The following AGL variants were observed in gnomAD, a reference collection of about 807,000 sequenced individuals.
AGL encodes glycogen debranching enzyme.
AGL carries 128 observed loss-of-function variants against 199.3 expected under a neutral mutation model. That is an observed-to-expected ratio of 0.64 (90% confidence interval 0.56 to 0.74). AGL has a LOEUF of 0.74. Ranked by LOEUF, AGL falls within the 30% of genes least tolerant of loss-of-function variation. The pLI is 0.00. For missense variants in AGL, 1,809 were observed against 1,820.8 expected (o/e 0.99, Z 0.12); for synonymous variants, 584 against 594.7 (o/e 0.98, Z 0.26).
intron 24 of AGL, 50 bp downstream of exon 24, chr1:99,892,657 G>A (rs372655553): frequency 4.2e-5 from 66 of 1,556,744 alleles, no homozygotes; most frequent in African/African-American, 5.4e-5. Context: ...AGTATTCGCG[G>A]AAGAAAAGTT....
intron 2 of AGL, chr1:99,861,233 A>G (rs1453609840): frequency 2.9e-5 from 38 of 1,305,132 alleles, no homozygotes; most frequent in Non-Finnish European, 3.6e-5. Flanking sequence ...GCACATCCCA[A>G]GTTGCTATGT....
rs1252251060 is a variant in AGL at position 99,881,398 on chromosome 1, G to A, written c.2108G>A (p.Cys703Tyr). The A allele has an allele frequency of 1.2e-6, 2 of 1,614,128 alleles. No homozygotes were observed. Among genetic ancestry groups the A allele is most frequent in the South Asian group, 2.2e-5 (2 of 91,092 alleles). Residue 703 changes from cysteine (C) to tyrosine (Y), a missense_variant, in exon 16 of 34, where the codon TGT (cysteine) becomes TAT (tyrosine). Coordinates refer to ENST00000361915, the MANE Select transcript of AGL (RefSeq NM_000642.3). The stretch of plus-strand genomic sequence containing the variant: ...CAAAGCGGCATTATTGCAGCCAGGT[G>A]TGCTATCAGTAAACTTCATCAGGAG... ...NFQSGIIAAR[C>Y]AISKLHQELG...
intron 8 of AGL, 127 bp from the exon 9 acceptor site, chr1:99,875,027 A>T: frequency 1.8e-5 from 19 of 1,041,246 alleles, no homozygotes; most frequent in Non-Finnish European, 2.6e-5. Context: ...ATTGGAAAAC[A>T]TCATCAGCCA....
At position 99,884,254 on chromosome 1, in the gene AGL, A is replaced by T; in HGVS notation, c.2433+10A>T. On this transcript the variant is annotated intron_variant, in intron 18 of 33. Coordinates refer to ENST00000361915, the MANE Select transcript of AGL (RefSeq NM_000642.3). The stretch of plus-strand genomic sequence containing the variant: ...TAGAGAACATATTCAGGTATTTGGG[A>T]CTCTCATCTTACTACTGTGTTTAGC... 1.9e-6 allele frequency: 3 copies of T among 1,613,112 alleles called. No homozygotes were observed. The highest frequency in any genetic ancestry group is 2.5e-6 in the Non-Finnish European group (3 of 1,179,360).
At chr1:99,912,647 T>G (rs1654832816) in intron 29 of AGL, 130 bp downstream of exon 29, 2 of 735,818 alleles carry the variant, frequency 2.7e-6, no homozygotes, top group East Asian at 5.4e-5. Context: ...GAAAATTCAT[T>G]AATTTACTAG....
At chr1:99,910,927 A>G (rs1654711414) in intron 28 of AGL, 80 bp downstream of exon 28, 1 of 1,445,330 alleles carries the variant, frequency 6.9e-7, no homozygotes, top group African/African-American at 1.4e-5. Context: ...TATTCTGTTA[A>G]CTATGAACTC....
chr1:99,859,718 G>A (rs978851526), intron 2 of AGL, among the ~76,000 whole-genome samples: 6 of 151,984 alleles, frequency 3.9e-5, no homozygotes, highest in Admixed American at 1.3e-4. Context: ...CTATTTTTGC[G>A]TTTAGTAGAG....
At chr1:99,896,442 C>A in intron 25 of AGL, 54 bp downstream of exon 25, 1 of 1,301,904 alleles carries the variant, frequency 7.7e-7, no homozygotes, top group Non-Finnish European at 1.1e-6. Flanking sequence ...ATGTCTTTTA[C>A]ATGCTCTTCA....
Position 99,877,698 on chromosome 1 carries a change from G to A in AGL, c.1481G>A (p.Arg494His), listed in dbSNP as rs141043166. The A allele has an allele frequency of 8.3e-3, 13,363 of 1,613,946 alleles. 95 individuals carry two copies. Among genetic ancestry groups the A allele is most frequent in the Non-Finnish European group, 8.9e-3 (10,533 of 1,179,930 alleles). The change falls in exon 12 of 34, where the codon CGC becomes CAC. Residue 494 changes from arginine to histidine, a missense_variant. Physicochemically the swap from Arg to His is conservative, Grantham distance 29. Transcript: ENST00000361915. The stretch of plus-strand genomic sequence containing the variant: ...TGCTGGGGAGACAGTGTTAAATTAC[G>A]CTATGGGAATAAACCAGAGGACTGT... Reference protein sequence around the residue: ...LICWGDSVKLRYGNKPEDCPY... With the variant: ...LICWGDSVKLHYGNKPEDCPY...
chr1:99,886,830 G>C (rs986793428), intron 20 of AGL, among the ~76,000 whole-genome samples: 1 of 152,138 alleles, frequency 6.6e-6, no homozygotes, highest in Non-Finnish European at 1.5e-5. Flanking sequence ...TAATAAAGTA[G>C]TTGCATTCTT....
Position 99,881,286 on chromosome 1 carries a change from G to T in AGL, c.2002-6G>T. On this transcript the variant is annotated splice_region_variant and splice_polypyrimidine_tract_variant and intron_variant, in intron 15 of 33. Coordinates refer to ENST00000361915, the MANE Select transcript of AGL (RefSeq NM_000642.3). ...TGTATCCATGCTAAATTTTACCTTT[G>T]TCCAGATTTCAGTGGTTTCTGAAGA... 1 of 1,613,960 alleles carries T rather than the reference G, an allele frequency of 6.2e-7. No homozygotes were observed. The highest frequency in any genetic ancestry group is 8.5e-7 in the Non-Finnish European group (1 of 1,179,950).
intron 27 of AGL, among the ~76,000 whole-genome samples, chr1:99,909,760 A>G (rs1206788260): frequency 2.6e-5 from 4 of 152,070 alleles, no homozygotes; most frequent in African/African-American, 7.2e-5. Flanking sequence ...TCCTCTTATG[A>G]TAGTCCACTG....
At chr1:99,910,359 T>C (rs1654650878) in intron 27 of AGL, among the ~76,000 whole-genome samples, 1 of 152,170 alleles carries the variant, frequency 6.6e-6, no homozygotes. Flanking sequence ...GTATAGAGGG[T>C]TTCCCATTGT....
At chr1:99,876,042 T>G (rs1251641278) in intron 10 of AGL, among the ~76,000 whole-genome samples, 3 of 151,964 alleles carry the variant, frequency 2.0e-5, no homozygotes, top group Non-Finnish European at 2.9e-5. Flanking sequence ...GCCCAGCTAA[T>G]TTTTGTAGTT....
At position 99,916,680 on chromosome 1, in the gene AGL, C is replaced by G. The variant is rs78348923; in HGVS notation, c.4430C>G (p.Thr1477Ser). The G allele has an allele frequency of 8.7e-4, 1,396 of 1,613,216 alleles. 6 individuals carry two copies. In the African/African-American group the frequency reaches 0.017, roughly 19 times the overall value. Residue 1477 changes from threonine (T) to serine (S), a missense_variant, in exon 33 of 34, where the codon ACT becomes AGT. Coordinates refer to ENST00000361915, the MANE Select transcript of AGL (RefSeq NM_000642.3). Reference sequence around the variant, plus strand: ...ATGGGCCCGGAGACTACTGCAAAGACTATAGTTTTGGTTAAAAATGTTCTT... The same window carrying G: ...ATGGGCCCGGAGACTACTGCAAAGAGTATAGTTTTGGTTAAAAATGTTCTT... ...RLMGPETTAKTIVLVKNVLSR... is the reference protein window; with the variant it reads ...RLMGPETTAKSIVLVKNVLSR...
chr1:99,884,146 G>A lies in AGL; in HGVS notation c.2335G>A (p.Ala779Thr). Reference protein sequence around the residue: ...PGKIEEVVLEARTIERNTKPY... With the variant: ...PGKIEEVVLETRTIERNTKPY... ...CAAAATTGAAGAAGTAGTTCTTGAA[G>A]CTAGAACTATTGAGAGAAACACGAA... Residue 779 changes from alanine to threonine, a missense_variant, in exon 18 of 34, where the codon GCT becomes ACT. Physicochemically the swap from Ala to Thr is moderately conservative, Grantham distance 58. Transcript: ENST00000361915. 6.2e-7 allele frequency: 1 copy of A among 1,611,776 alleles called. No homozygotes were observed. The highest frequency in any genetic ancestry group is 8.5e-7 in the Non-Finnish European group (1 of 1,178,168).
intron 4 of AGL, among the ~76,000 whole-genome samples, chr1:99,863,673 T>G (rs940098498): frequency 6.6e-6 from 1 of 151,464 alleles, no homozygotes; most frequent in Non-Finnish European, 1.5e-5. Context: ...ATGGTCTCGA[T>G]CTCCTGACCT....
chr1:99,890,650 A>G, intron 21 of AGL, among the ~76,000 whole-genome samples: 1 of 76,078 alleles, frequency 1.3e-5, no homozygotes, highest in South Asian at 3.4e-4. Context: ...AGAAAAAAAA[A>G]ATATATATAT....
intron 4 of AGL, among the ~76,000 whole-genome samples, chr1:99,862,980 T>C (rs1463382647): frequency 6.6e-6 from 1 of 152,030 alleles, no homozygotes; most frequent in Non-Finnish European, 1.5e-5. Flanking sequence ...AGTATCACCC[T>C]GTCACGTAGG....
Sources: gnomAD v4.1 joint callset for allele counts (sites outside exome capture counted in the v4.1 genomes callset) on GRCh38, gnomAD v4.1.1 for gene constraint, MANE v1.5 for transcripts, NCBI Gene and HGNC (gene_info 2026-07-23, HGNC 2026-07-21) for gene names.